The following DENND4C variants were observed in gnomAD, a reference collection of about 807,000 sequenced individuals.
The protein encoded by DENND4C is DENN domain-containing protein 4C.
DENND4C carries 108 observed loss-of-function variants against 203.0 expected under a neutral mutation model. That is an observed-to-expected ratio of 0.53 (90% CI 0.46 to 0.62). The LOEUF is 0.62. Ranked by LOEUF, DENND4C falls within the 20% of genes least tolerant of loss-of-function variation. DENND4C has a pLI of 0.00. For missense variants in DENND4C, 2,481 were observed against 2,301.2 expected, an observed-to-expected ratio of 1.08 and a Z score of -1.60; for synonymous variants, 871 against 792.4, an observed-to-expected ratio of 1.10 and a Z score of -1.67.
chr9:19,322,402 A>C (rs1282474042), intron 12 of DENND4C, among the ~76,000 whole-genome samples: 1 of 152,182 alleles, frequency 6.6e-6, no homozygotes, highest in South Asian at 2.1e-4. Context: ...GAAATGATGG[A>C]TATAGCATGG....
intron 28 of DENND4C, among the ~76,000 whole-genome samples, chr9:19,359,197 A>G (rs4578040): frequency 0.48 from 73,271 of 151,340 alleles, 19,162 homozygotes; most frequent in African/African-American, 0.67. Context: ...ATTAATTTGG[A>G]GGAATAGGGT....
chr9:19,364,714 A>G (rs1041077591), intron 30 of DENND4C, among the ~76,000 whole-genome samples: 21 of 152,248 alleles, frequency 1.4e-4, no homozygotes, highest in African/African-American at 5.1e-4. Flanking sequence ...CCAACATGAT[A>G]AAACCCCGCC....
intron 2 of DENND4C, among the ~76,000 whole-genome samples, chr9:19,284,080 C>T (rs894154041): frequency 2.0e-5 from 3 of 152,162 alleles, no homozygotes; most frequent in Non-Finnish European, 4.4e-5. Context: ...AGATGATAGA[C>T]TGTAGAATAA....
rs150533136 is a variant in DENND4C, at chr9:19,353,946, T to A, written c.4781+1281T>A. Among the ~76,000 whole-genome samples the A allele has an allele frequency of 1.1e-3, 170 of 152,280 alleles. 3 individuals are homozygous for A. The highest frequency in any genetic ancestry group is 3.4e-3 in the Middle Eastern group (1 of 294). On this transcript the variant is annotated intron_variant, in intron 26 of 32. Coordinates refer to ENST00000434457, the MANE Select transcript of DENND4C (RefSeq NM_001330640.2). The stretch of plus-strand genomic sequence containing the variant: ...CTGTTTTTTCTTTTAGCTTCAAGGG[T>A]GGAGCTAAGTCAAATCATACTCTTT...
chr9:19,336,519 T>C, intron 19 of DENND4C, 105 bp downstream of exon 19: 2 of 1,451,470 alleles, frequency 1.4e-6, no homozygotes, highest in Non-Finnish European at 1.8e-6. Flanking sequence ...CGGTAGACAT[T>C]TTCACATACA....
At chr9:19,339,128 A>G (rs1448267814) in intron 20 of DENND4C, among the ~76,000 whole-genome samples, 2 of 152,150 alleles carry the variant, frequency 1.3e-5, no homozygotes, top group South Asian at 2.1e-4. Context: ...TTCTGCATGC[A>G]TGCACATACC....
chr9:19,255,484 G>T (rs746063605), intron 1 of DENND4C, among the ~76,000 whole-genome samples: 13 of 151,950 alleles, frequency 8.6e-5, no homozygotes, highest in South Asian at 2.1e-4. Flanking sequence ...CAATCAACAG[G>T]TTTATACATT....
At chr9:19,313,855 G>C (rs1841226823) in intron 10 of DENND4C, among the ~76,000 whole-genome samples, 1 of 152,118 alleles carries the variant, frequency 6.6e-6, no homozygotes, top group South Asian at 2.1e-4. Flanking sequence ...AATTCTCAGG[G>C]GAGATCCCTC....
At chr9:19,295,927 T>C (rs1158639806) in intron 5 of DENND4C, 81 bp from the exon 6 acceptor site, 1 of 1,093,670 alleles carries the variant, frequency 9.1e-7, no homozygotes, top group Non-Finnish European at 1.3e-6. Flanking sequence ...AAGCAAATAT[T>C]TCTTGTGTAA....
At chr9:19,252,547 ACTCTAG>A (rs1826892548) in intron 1 of DENND4C, among the ~76,000 whole-genome samples, 1 of 152,194 alleles carries the variant, frequency 6.6e-6, no homozygotes, top group East Asian at 1.9e-4. Context: ...GCACCACTCT[ACTCTAG>A]CCTGAGTGAC....
At chr9:19,251,559 T>C (rs908538746) in intron 1 of DENND4C, among the ~76,000 whole-genome samples, 4 of 152,214 alleles carry the variant, frequency 2.6e-5, no homozygotes, top group Non-Finnish European at 5.9e-5. Context: ...TTCTTTTCTA[T>C]TGCATTGTCA....
chr9:19,343,715 AGGAG>A lies in DENND4C; in HGVS notation c.3151+940_3151+943del, dbSNP rs369434801. ...CTTGATAGCAGAGATACTGGGGAAA[AGGAG>A]GGAAGAGTTTTCTTCGTCAGAGGCT... On this transcript the variant is annotated intron_variant, in intron 22 of 32. Transcript: ENST00000434457. Among the ~76,000 whole-genome samples the A allele has an allele frequency of 3.7e-4, 56 of 152,344 alleles. 1 individual carries two copies. The Middle Eastern group carries it at 0.017, about 47-fold the overall frequency.
chr9:19,345,828 A>G lies in DENND4C; in HGVS notation c.3152-93A>G. On this transcript the variant is annotated intron_variant, in intron 22 of 32. Coordinates refer to ENST00000434457, the MANE Select transcript of DENND4C (RefSeq NM_001330640.2). ...TTTCTGGATCTTTTATTCTGAGTAT[A>G]TGTCACATTCATAATCAGGAAAACA... 3.4e-6 allele frequency: 4 copies of G among 1,168,256 alleles called. No homozygotes were observed. In the South Asian group the frequency reaches 4.8e-5, roughly 14 times the overall value. The allele number at this position is 1,168,256 out of a possible 1,614,324, so 72.4% of individuals were successfully genotyped here.
chr9:19,251,658 G>T (rs7468534), intron 1 of DENND4C, among the ~76,000 whole-genome samples: 2 of 152,162 alleles, frequency 1.3e-5, no homozygotes, highest in African/African-American at 2.4e-5. Flanking sequence ...TGAAAGCTTT[G>T]CTGCTTAGAA....
At chr9:19,248,896 TTC>T (rs1825889166) in intron 1 of DENND4C, among the ~76,000 whole-genome samples, 1 of 151,766 alleles carries the variant, frequency 6.6e-6, no homozygotes, top group Non-Finnish European at 1.5e-5. Context: ...CTCCTGGTGA[TTC>T]TCGTGCCTCA....
chr9:19,300,412 A>G, intron 9 of DENND4C, 81 bp downstream of exon 9: 1 of 1,285,686 alleles, frequency 7.8e-7, no homozygotes, highest in Middle Eastern at 2.2e-4. Flanking sequence ...AAAAACAGCA[A>G]CTTTGTAAAC....
intron 2 of DENND4C, 148 bp downstream of exon 2, chr9:19,276,627 A>C (rs1832942764): frequency 2.2e-6 from 1 of 460,914 alleles, no homozygotes; most frequent in Non-Finnish European, 3.5e-6. Flanking sequence ...GATTCATTAT[A>C]GTAATATATT....
chr9:19,276,319 A>G lies in DENND4C; in HGVS notation c.145A>G (p.Ile49Val), dbSNP rs994374625. 5 of 1,231,988 alleles carry G rather than the reference A, an allele frequency of 4.1e-6. No individual in the cohort carries two copies. In the African/African-American group the frequency reaches 7.8e-5, roughly 19 times the overall value. The allele number at this position is 1,231,988 out of a possible 1,614,324, so 76.3% of individuals were successfully genotyped here. A position where few individuals can be genotyped will look rare whatever the true frequency, so the allele number is the denominator to read the frequency against. Residue 49 changes from isoleucine to valine, a missense_variant, in exon 2 of 33, where the codon ATT (isoleucine) becomes GTT (valine). Transcript: ENST00000434457. ...PKAPITDIAI[I>V]IKSAGETVPE... ...AGCTCCAATTACAGACATTGCCATT[A>G]TTATCAAATCAGCTGGAGAAACAGT...
chr9:19,318,610 G>T (rs779799588), intron 12 of DENND4C, among the ~76,000 whole-genome samples: 1 of 152,178 alleles, frequency 6.6e-6, no homozygotes, highest in African/African-American at 2.4e-5. Context: ...TTATTTTCTC[G>T]TGGTTTTGGA....
Sources: gnomAD v4.1 joint callset for allele counts (sites outside exome capture counted in the v4.1 genomes callset) on GRCh38, gnomAD v4.1.1 for gene constraint, MANE v1.5 for transcripts, NCBI Gene and HGNC (gene_info 2026-07-23, HGNC 2026-07-21) for gene names.